The following RASSF8 variants were observed in gnomAD, a reference collection of about 807,000 sequenced individuals.
The protein encoded by RASSF8 is ras association domain-containing protein 8.
Under a neutral mutation model 48.5 loss-of-function variants are expected in RASSF8, and 22 were observed. The observed-to-expected ratio is 0.45, with a 90% CI of 0.32 to 0.65. RASSF8 has a LOEUF of 0.65. Among genes scored for constraint, RASSF8 ranks in the 30% least tolerant of loss-of-function variants. RASSF8 has a pLI of 0.03. For synonymous variants in RASSF8, 127 were observed against 171.5 expected (o/e 0.74, Z 2.03); for missense variants, 418 against 489.2 (o/e 0.85, Z 1.37).
intron 5 of RASSF8, chr12:26,078,969 A>G: frequency 1.4e-6 from 2 of 1,479,062 alleles, no homozygotes; most frequent in Non-Finnish European, 1.8e-6. Context: ...GATTATGTAT[A>G]CAAAAACAAA....
At chr12:26,020,405 T>C (rs1332273940) in intron 2 of RASSF8, 1 of 152,210 alleles carries the variant, frequency 6.6e-6, no homozygotes, top group Non-Finnish European at 1.5e-5. Flanking sequence ...CAGTTTGTGG[T>C]AATTTGCTAC....
At position 26,071,107 on chromosome 12, in the gene RASSF8, C is replaced by T. The variant is rs1037910074; in HGVS notation, c.*2289C>T. 2 of 971,024 alleles carry T rather than the reference C, an allele frequency of 2.1e-6. No individual in the cohort carries two copies. Among genetic ancestry groups the T allele is most frequent in the African/African-American group, 3.5e-5 (2 of 56,800 alleles). 60.2% of individuals were successfully genotyped at this position (971,024 alleles called of 1,614,324 possible). Reference sequence around the variant, plus strand: ...TATAGAAATGTGAATATGTTGAATACATTGAGAAGCTGTACTTTTTAATTA... The same window carrying T: ...TATAGAAATGTGAATATGTTGAATATATTGAGAAGCTGTACTTTTTAATTA... On this transcript the variant is annotated 3_prime_UTR_variant, in exon 6 of 6. Transcript: ENST00000689635.
At chr12:26,077,365 G>A (rs1409644384), downstream of RASSF8, among the ~76,000 whole-genome samples, 1 of 152,106 alleles carries the variant, frequency 6.6e-6, no homozygotes, top group Admixed American at 6.6e-5. Context: ...GTATTGCCTG[G>A]GTTTTCTACT....
chr12:26,078,708 A>G (rs1166077844), intron 5 of RASSF8, among the ~76,000 whole-genome samples: 1 of 152,228 alleles, frequency 6.6e-6, no homozygotes, highest in Non-Finnish European at 1.5e-5. Flanking sequence ...GGTTTAGTCT[A>G]TTTCCCAAAA....
intron 1 of RASSF8, among the ~76,000 whole-genome samples, chr12:25,974,753 T>C (rs1941565850): frequency 6.6e-6 from 1 of 152,138 alleles, no homozygotes; most frequent in Non-Finnish European, 1.5e-5. Context: ...GTGAAAAGTG[T>C]TGGGGCTGCA....
intron 5 of RASSF8, chr12:26,078,955 T>A (rs541764066): frequency 7.4e-7 from 1 of 1,356,130 alleles, no homozygotes; most frequent in Admixed American, 2.9e-5. Flanking sequence ...GTAATTGAGA[T>A]CATGATTATG....
In RASSF8 at chr12:26,071,300, C is replaced by T. The variant is rs1591824365; in HGVS notation, c.*2482C>T. ...TAAGTGCCACATCCTGGATACATTT[C>T]GGAGGGGTAGTGGGCAATGGTATAC... On this transcript the variant is annotated 3_prime_UTR_variant, in exon 6 of 6. Transcript: ENST00000689635. The T allele has an allele frequency of 7.0e-5, 69 of 982,766 alleles. No individual in the cohort carries two copies. The South Asian group carries it at 1.5e-3, about 21-fold the overall frequency. 60.9% of individuals were successfully genotyped at this position (982,766 alleles called of 1,614,324 possible).
In RASSF8 at chr12:26,071,535, C is replaced by G. The variant is rs1042806399; in HGVS notation, c.*2717C>G. The G allele has an allele frequency of 1.0e-6, 1 of 975,532 alleles. No homozygotes were observed. Among genetic ancestry groups the G allele is most frequent in the South Asian group, 4.7e-5 (1 of 21,120 alleles). The allele number at this position is 975,532 out of a possible 1,614,324, so 60.4% of individuals were successfully genotyped here. A position where few individuals can be genotyped will look rare whatever the true frequency, so the allele number is the denominator to read the frequency against. On this transcript the variant is annotated 3_prime_UTR_variant, in exon 6 of 6. Coordinates refer to ENST00000689635, the MANE Select transcript of RASSF8 (RefSeq NM_001394098.1). ...TTGGTATATTTGACCTTTTGAGTGT[C>G]TGTCATCCTCAGAGAATGGCCCATA...
chr12:26,078,857 G>C (rs892538682), intron 5 of RASSF8, among the ~76,000 whole-genome samples: 2 of 151,934 alleles, frequency 1.3e-5, no homozygotes, highest in Non-Finnish European at 2.9e-5. Flanking sequence ...TCATTGTCAA[G>C]TACTCTTGTA....
chr12:26,079,173 GA>G, exon 6 of RASSF8: 1 of 782,864 alleles, frequency 1.3e-6, no homozygotes, highest in Non-Finnish European at 2.0e-6. Context: ...TCACCAAAAT[GA>G]AAAGGTGGAC....
intron 3 of RASSF8, among the ~76,000 whole-genome samples, chr12:26,063,781 C>G (rs1015737279): frequency 2.0e-5 from 3 of 151,176 alleles, no homozygotes; most frequent in African/African-American, 7.3e-5. Context: ...ATCATATTAC[C>G]AAAACTGAAC....
At chr12:25,992,739 G>A (rs1284446015) in intron 1 of RASSF8, among the ~76,000 whole-genome samples, 3 of 152,052 alleles carry the variant, frequency 2.0e-5, no homozygotes, top group Non-Finnish European at 4.4e-5. Context: ...GATGTGAAGG[G>A]GTTTGTGGAA....
At chr12:25,991,961 AATTTTTATCCTCTCCTTTTCCCCATAATT>A (rs1942025496) in intron 1 of RASSF8, among the ~76,000 whole-genome samples, 1 of 152,228 alleles carries the variant, frequency 6.6e-6, no homozygotes, top group Non-Finnish European at 1.5e-5. Flanking sequence ...GGGCTGCCCC[AATTTTTATCCTCTCCTTTTCCCCATAATT>A]ACATGTTGGT....
At chr12:26,011,003 T>C (rs1942510563) in intron 2 of RASSF8, among the ~76,000 whole-genome samples, 1 of 152,144 alleles carries the variant, frequency 6.6e-6, no homozygotes, top group African/African-American at 2.4e-5. Flanking sequence ...CCAAAAGTGA[T>C]AGATATCACT....
chr12:26,019,211 A>G (rs1330124391), intron 2 of RASSF8, among the ~76,000 whole-genome samples: 3 of 152,208 alleles, frequency 2.0e-5, no homozygotes, highest in Non-Finnish European at 4.4e-5. Context: ...TAGCAAAAGC[A>G]TGTCACATGA....
intron 2 of RASSF8, among the ~76,000 whole-genome samples, chr12:26,029,354 G>T (rs1326553635): frequency 2.0e-5 from 3 of 152,198 alleles, no homozygotes; most frequent in African/African-American, 7.2e-5. Flanking sequence ...CAAATACACA[G>T]TAAGTGACAG....
At chr12:25,990,644 C>T (rs1339418324) in intron 1 of RASSF8, among the ~76,000 whole-genome samples, 1 of 152,056 alleles carries the variant, frequency 6.6e-6, no homozygotes, top group Non-Finnish European at 1.5e-5. Flanking sequence ...TTGTGTATTG[C>T]GTTTAGCAAA....
At chr12:26,059,716 G>A (rs1943698115) in intron 3 of RASSF8, among the ~76,000 whole-genome samples, 1 of 152,086 alleles carries the variant, frequency 6.6e-6, no homozygotes, top group African/African-American at 2.4e-5. Flanking sequence ...TTCCACATCT[G>A]TAGAATATTA....
intron 1 of RASSF8, among the ~76,000 whole-genome samples, chr12:25,977,438 A>C (rs1941633536): frequency 6.6e-6 from 1 of 152,184 alleles, no homozygotes; most frequent in Admixed American, 6.5e-5. Context: ...TTAAGGAACA[A>C]CCCAACTTCC....
Sources: gnomAD v4.1 joint callset for allele counts (sites outside exome capture counted in the v4.1 genomes callset) on GRCh38, gnomAD v4.1.1 for gene constraint, MANE v1.5 for transcripts, NCBI Gene and HGNC (gene_info 2026-07-23, HGNC 2026-07-21) for gene names.